UMODL1: variants seen among roughly 807,000 people sequenced by gnomAD.
UMODL1 encodes the protein uromodulin like 1.
In UMODL1, 128 loss-of-function variants were observed where a neutral mutation model predicts 136.3. That is an observed-to-expected ratio of 0.94 (90% CI 0.81 to 1.09). The LOEUF is 1.09. Among genes scored for constraint, UMODL1 ranks in the 50% least tolerant of loss-of-function variants. UMODL1 has a pLI of 0.00. For synonymous variants in UMODL1, 721 were observed against 720.0 expected (o/e 1.00, Z -0.02); for missense variants, 1,766 against 1,725.6 (o/e 1.02, Z -0.41).
chr21:42,111,630 G>A lies in UMODL1; in HGVS notation c.2024G>A (p.Arg675Gln), dbSNP rs981528998. 13 of 1,613,988 alleles carry A rather than the reference G, an allele frequency of 8.1e-6. No individual in the cohort carries two copies. The highest frequency in any genetic ancestry group is 2.2e-5 in the East Asian group (1 of 44,896). ...RETLLNPTWL[R>Q]NEDSGPSGSV... is the part of the protein sequence containing the mutation. Reference sequence around the variant, plus strand: ...ACACTTCTGAATCCCACGTGGCTGCGAAATGAGGACAGTGGACCCTCCGGT... The same window carrying A: ...ACACTTCTGAATCCCACGTGGCTGCAAAATGAGGACAGTGGACCCTCCGGT... Residue 675 changes from arginine to glutamine, a missense_variant, in exon 12 of 23, where the codon CGA becomes CAA. Transcript: ENST00000408910.
At chr21:42,110,695 G>T (rs563607463) in intron 10 of UMODL1, among the ~76,000 whole-genome samples, 185 bp from the exon 11 acceptor site, 1 of 152,182 alleles carries the variant, frequency 6.6e-6, no homozygotes, top group Admixed American at 6.5e-5. Context: ...CCTTCAGAGA[G>T]CCCCGGGGAG....
At chr21:42,136,204 A>C (rs912713833) in intron 21 of UMODL1, among the ~76,000 whole-genome samples, 2 of 152,220 alleles carry the variant, frequency 1.3e-5, no homozygotes, top group African/African-American at 4.8e-5. Flanking sequence ...TTTTTAAAAA[A>C]TTAAACTGAG....
intron 9 of UMODL1, among the ~76,000 whole-genome samples, chr21:42,107,951 G>A (rs1380563052): frequency 3.9e-5 from 6 of 152,202 alleles, no homozygotes; most frequent in African/African-American, 9.6e-5. Flanking sequence ...CTGGGCTCTC[G>A]CTGGCTCTGC....
In UMODL1 at chr21:42,110,733, C is replaced by T. The variant is rs1601238025; in HGVS notation, c.1658-147C>T. ...TGCAAACATGGGCCCAGGAAACACT[C>T]CTGAACGCTGGCGCCCGCCTGCGTC... On this transcript the variant is annotated intron_variant, in intron 10 of 22. Transcript: ENST00000408910. 1.6e-5 allele frequency: 12 copies of T among 761,036 alleles called. No homozygotes were observed. The East Asian group carries it at 3.3e-4, about 21-fold the overall frequency. The allele number at this position is 761,036 out of a possible 1,614,324, so 47.1% of individuals were successfully genotyped here.
chr21:42,088,781 C>T (rs1249583801), intron 5 of UMODL1, among the ~76,000 whole-genome samples: 4 of 152,038 alleles, frequency 2.6e-5, no homozygotes, highest in South Asian at 4.2e-4. Flanking sequence ...CCTGCCCCCT[C>T]GGCAGGCTTC....
In UMODL1 at chr21:42,119,410, T is replaced by C. The variant is rs1043902664; in HGVS notation, c.2689+86T>C. 50 of 1,278,484 alleles carry C rather than the reference T, an allele frequency of 3.9e-5. No individual in the cohort carries two copies. The East Asian group carries it at 6.3e-4, about 16-fold the overall frequency. 79.2% of individuals were successfully genotyped at this position (1,278,484 alleles called of 1,614,324 possible). A position where few individuals can be genotyped will look rare whatever the true frequency, so the allele number is the denominator to read the frequency against. Reference sequence around the variant, plus strand: ...GCCACCACCCTTCGCTTTTGAAAGATGTCGTGTTGTGCCCATGTGGTCCTT... The same window carrying C: ...GCCACCACCCTTCGCTTTTGAAAGACGTCGTGTTGTGCCCATGTGGTCCTT... On this transcript the variant is annotated intron_variant, in intron 15 of 22. Coordinates refer to ENST00000408910, the MANE Select transcript of UMODL1 (RefSeq NM_001004416.3).
At position 42,111,024 on chromosome 21, in the gene UMODL1, C is replaced by T. The variant is rs369218921; in HGVS notation, c.1802C>T (p.Ala601Val). 1.4e-5 allele frequency: 23 copies of T among 1,612,908 alleles called. No individual in the cohort carries two copies. Among genetic ancestry groups the T allele is most frequent in the Non-Finnish European group, 1.7e-5 (20 of 1,179,700 alleles). Residue 601 changes from alanine (A) to valine (V), a missense_variant, in exon 11 of 23, where the codon GCA becomes GTA. Coordinates refer to ENST00000408910, the MANE Select transcript of UMODL1 (RefSeq NM_001004416.3). ...SPGYPQGTPA[A>V]GQAWTPEPSP... is the part of the protein sequence containing the mutation. ...GGGTACCCTCAGGGCACCCCGGCAG[C>T]AGGCCAGGCCTGGACCCCAGAGCCC...
At chr21:42,089,330 T>G (rs2066463973) in intron 5 of UMODL1, among the ~76,000 whole-genome samples, 1 of 151,992 alleles carries the variant, frequency 6.6e-6, no homozygotes, top group East Asian at 1.9e-4. Flanking sequence ...AAAGCTCTAG[T>G]GATTGCATTG....
intron 1 of UMODL1, among the ~76,000 whole-genome samples, chr21:42,074,892 T>G (rs1407892966): frequency 6.6e-6 from 1 of 151,718 alleles, no homozygotes; most frequent in African/African-American, 2.4e-5. Context: ...AATTTTTTAT[T>G]TTATTTTTTA....
chr21:42,096,436 CT>C (rs895144811), intron 6 of UMODL1, among the ~76,000 whole-genome samples: 1 of 152,204 alleles, frequency 6.6e-6, no homozygotes, highest in Non-Finnish European at 1.5e-5. Flanking sequence ...AGTAAATATA[CT>C]TATTAAAAGA....
At chr21:42,103,708 G>A (rs186577748) in intron 8 of UMODL1, 160 bp from the exon 9 acceptor site, 61 of 845,982 alleles carry the variant, frequency 7.2e-5, no homozygotes, top group Admixed American at 4.6e-4. Context: ...TGCTGTGAAC[G>A]GACTTCTCTG....
In UMODL1 at chr21:42,085,117, G is replaced by A. The variant is rs1047804405; in HGVS notation, c.482-174G>A. Among the ~76,000 whole-genome samples the A allele has an allele frequency of 1.3e-5, 2 of 152,074 alleles. No individual in the cohort carries two copies. Among genetic ancestry groups the A allele is most frequent in the Non-Finnish European group, 2.9e-5 (2 of 68,024 alleles). ...TAGGATGGAGAGGAGCGAGGGGCGG[G>A]CAGTGAGGACATCCCCCGTCTCCTG... On this transcript the variant is annotated intron_variant, in intron 3 of 22. Coordinates refer to ENST00000408910, the MANE Select transcript of UMODL1 (RefSeq NM_001004416.3). This position sits in a 1 kb window ranked among gnomAD's most constrained non-coding sequence, Gnocchi z 4.5.
In UMODL1 at chr21:42,111,201, A is replaced by G. The variant is rs1015098345; in HGVS notation, c.1899+80A>G. 2.0e-6 allele frequency: 3 copies of G among 1,532,650 alleles called. No homozygotes were observed. In the East Asian group the frequency reaches 7.5e-5, roughly 38 times the overall value. 94.9% of individuals were successfully genotyped at this position (1,532,650 alleles called of 1,614,324 possible). On this transcript the variant is annotated intron_variant, in intron 11 of 22. Transcript: ENST00000408910. Reference sequence around the variant, plus strand: ...AACCCCAGCCAGGGGAGCCCCAGCCAGGGGAGCCTCAGACAGGAGAGTACC... The same window carrying G: ...AACCCCAGCCAGGGGAGCCCCAGCCGGGGGAGCCTCAGACAGGAGAGTACC...
upstream of UMODL1, among the ~76,000 whole-genome samples, chr21:42,069,269 A>ACACACACACACACAC (rs1171449440): frequency 6.4e-5 from 3 of 46,612 alleles, no homozygotes; most frequent in East Asian, 4.0e-4. Context: ...CACACACACA[A>ACACACACACACACAC]ACAGCAGGGG....
intron 21 of UMODL1, among the ~76,000 whole-genome samples, chr21:42,133,253 G>A (rs1452844935): frequency 2.0e-5 from 3 of 152,248 alleles, no homozygotes; most frequent in African/African-American, 4.8e-5. Context: ...GGACCTCACC[G>A]CTATCCGCGG....
At chr21:42,115,749 G>A (rs946757203) in intron 13 of UMODL1, 124 bp from the exon 14 acceptor site, 80 of 711,504 alleles carry the variant, frequency 1.1e-4, no homozygotes, top group Non-Finnish European at 1.7e-4. Context: ...CTTCTTTCTA[G>A]AACACGGGTT....
intron 2 of UMODL1, 66 bp downstream of exon 2, chr21:42,076,313 C>T: frequency 6.3e-7 from 1 of 1,596,610 alleles, no homozygotes; most frequent in Non-Finnish European, 8.6e-7. Flanking sequence ...ATGGGACAGT[C>T]ACCGTTGGCA....
chr21:42,128,718 G>A lies in UMODL1; in HGVS notation c.3690+887G>A, dbSNP rs557401609. Among the ~76,000 whole-genome samples the A allele has an allele frequency of 2.0e-5, 3 of 152,358 alleles. No homozygotes were observed. In the East Asian group the frequency reaches 5.8e-4, roughly 29 times the overall value. On this transcript the variant is annotated intron_variant, in intron 20 of 22. Coordinates refer to ENST00000408910, the MANE Select transcript of UMODL1 (RefSeq NM_001004416.3). ...CACTGGAGCCTCAGAGATGACAGGAGCACGGACAGCCACCGCCAGGCTTCG... is the reference window on the plus strand; with the variant it reads ...CACTGGAGCCTCAGAGATGACAGGAACACGGACAGCCACCGCCAGGCTTCG...
intron 4 of UMODL1, among the ~76,000 whole-genome samples, chr21:42,086,800 T>G (rs1323349815): frequency 6.6e-6 from 1 of 152,194 alleles, no homozygotes; most frequent in Non-Finnish European, 1.5e-5. Context: ...ACCCTGTCTC[T>G]ACTAGAAATC....
Sources: gnomAD v4.1 joint callset for allele counts (sites outside exome capture counted in the v4.1 genomes callset) on GRCh38, gnomAD v4.1.1 for gene constraint, Gnocchi (gnomAD v3.1) non-coding constraint, MANE v1.5 for transcripts, NCBI Gene and HGNC (gene_info 2026-07-23, HGNC 2026-07-21) for gene names.